The following RYR3 variants were observed in gnomAD, a reference collection of about 807,000 sequenced individuals.
RYR3 encodes ryanodine receptor 3, also known as brain ryanodine receptor-calcium release channel.
A neutral mutation model predicts 584.3 loss-of-function variants in RYR3; 207 were observed. The observed-to-expected ratio is 0.35, with a 90% CI of 0.32 to 0.40. The LOEUF (loss-of-function observed/expected upper bound fraction) is 0.40, where lower values mean the gene tolerates loss of function less well. Among genes scored for constraint, RYR3 ranks in the 10% least tolerant of loss-of-function variants. The pLI, the probability that RYR3 is intolerant of heterozygous loss-of-function variation, is 1.00. For synonymous variants in RYR3, 2,416 were observed against 2,248.5 expected (o/e 1.07, Z -2.11); for missense variants, 5,616 against 6,089.2 (o/e 0.92, Z 2.59).
intron 43 of RYR3, among the ~76,000 whole-genome samples, chr15:33,711,280 G>C (rs776633853): frequency 1.1e-4 from 12 of 110,108 alleles, no homozygotes; most frequent in South Asian, 8.4e-4. Context: ...GTCTCGTTCT[G>C]TCGCCCAGGC....
chr15:33,731,367 TG>T, intron 47 of RYR3, 106 bp from the exon 48 acceptor site: 1 of 723,916 alleles, frequency 1.4e-6, no homozygotes, highest in Non-Finnish European at 2.4e-6. Context: ...CTATGCAACG[TG>T]GACATATATA....
intron 20 of RYR3, among the ~76,000 whole-genome samples, chr15:33,625,959 A>G (rs2060962653): frequency 6.6e-6 from 1 of 152,168 alleles, no homozygotes; most frequent in Non-Finnish European, 1.5e-5. Context: ...TAATCCTTAT[A>G]CCACTGTGGC....
At chr15:33,498,165 A>G (rs898230544) in intron 2 of RYR3, among the ~76,000 whole-genome samples, 1 of 152,198 alleles carries the variant, frequency 6.6e-6, no homozygotes. Flanking sequence ...TGCAATAAGC[A>G]TGGGAGTGCA....
chr15:33,448,230 A>T (rs1036120618), intron 1 of RYR3, among the ~76,000 whole-genome samples: 1 of 152,206 alleles, frequency 6.6e-6, no homozygotes. Flanking sequence ...ACGTCTGGCC[A>T]GCTGCTGGCC....
chr15:33,665,726 G>T (rs1250209731), intron 36 of RYR3, among the ~76,000 whole-genome samples: 3 of 152,224 alleles, frequency 2.0e-5, no homozygotes, highest in African/African-American at 7.2e-5. Context: ...AAGCCTTCAA[G>T]AGTAGTTCCT....
At chr15:33,450,566 C>T (rs1001770633) in intron 1 of RYR3, among the ~76,000 whole-genome samples, 12 of 151,770 alleles carry the variant, frequency 7.9e-5, no homozygotes, top group Admixed American at 7.2e-4. Context: ...GCTCCTTGAG[C>T]TCCTTGCACC....
At chr15:33,420,980 G>T (rs558623185) in intron 1 of RYR3, among the ~76,000 whole-genome samples, 2 of 152,140 alleles carry the variant, frequency 1.3e-5, no homozygotes, top group East Asian at 1.9e-4. Context: ...TTTCTTGGGG[G>T]TCTTGCTTCT....
At chr15:33,719,872 T>C (rs2067779148) in intron 43 of RYR3, among the ~76,000 whole-genome samples, 2 of 152,306 alleles carry the variant, frequency 1.3e-5, no homozygotes, top group South Asian at 4.1e-4. Flanking sequence ...CTCCTTGGTT[T>C]CTCTTTTTCC....
intron 1 of RYR3, among the ~76,000 whole-genome samples, chr15:33,454,679 G>A (rs2047401505): frequency 2.0e-5 from 3 of 152,174 alleles, no homozygotes. Context: ...ATTAGATGAT[G>A]TATATGATGC....
intron 1 of RYR3, among the ~76,000 whole-genome samples, chr15:33,406,998 G>A (rs189525559): frequency 6.6e-6 from 1 of 152,300 alleles, no homozygotes; most frequent in African/African-American, 2.4e-5. Context: ...TCAAGGCATT[G>A]GCAGGAATGG....
intron 38 of RYR3, among the ~76,000 whole-genome samples, chr15:33,687,059 C>G (rs1056705383): frequency 1.3e-5 from 2 of 152,216 alleles, no homozygotes; most frequent in African/African-American, 4.8e-5. Flanking sequence ...GTTAGAAGTT[C>G]TGGCCAGGCC....
intron 42 of RYR3, among the ~76,000 whole-genome samples, chr15:33,703,940 A>C (rs954546630): frequency 1.3e-5 from 2 of 152,180 alleles, no homozygotes; most frequent in African/African-American, 4.8e-5. Context: ...CAATACCATA[A>C]TAATACCATA....
chr15:33,781,862 G>GT (rs1418321746), intron 65 of RYR3, among the ~76,000 whole-genome samples: 2 of 151,640 alleles, frequency 1.3e-5, no homozygotes, highest in African/African-American at 2.4e-5. Flanking sequence ...AAAAAAAAGG[G>GT]GGGGGGGATT....
At chr15:33,608,012 G>C (rs1410125309) in intron 18 of RYR3, among the ~76,000 whole-genome samples, 1 of 152,214 alleles carries the variant, frequency 6.6e-6, no homozygotes, top group Non-Finnish European at 1.5e-5. Context: ...GCCAGAACTA[G>C]AGCCCAGGCA....
intron 19 of RYR3, among the ~76,000 whole-genome samples, chr15:33,614,060 A>T (rs1247067765): frequency 6.6e-6 from 1 of 152,214 alleles, no homozygotes; most frequent in Non-Finnish European, 1.5e-5. Flanking sequence ...ACAGTTCAGA[A>T]TTCCTTATCA....
At chr15:33,452,038 T>C (rs554425520) in intron 1 of RYR3, among the ~76,000 whole-genome samples, 1 of 152,358 alleles carries the variant, frequency 6.6e-6, no homozygotes, top group African/African-American at 2.4e-5. Context: ...AGGGCCTCCA[T>C]GCTCCAACAA....
chr15:33,533,595 T>A (rs1245700728), intron 5 of RYR3, among the ~76,000 whole-genome samples: 1 of 152,174 alleles, frequency 6.6e-6, no homozygotes, highest in Admixed American at 6.5e-5. Context: ...AACATAATGT[T>A]TTTACCACAG....
intron 36 of RYR3, among the ~76,000 whole-genome samples, chr15:33,664,718 T>A (rs1365522708): frequency 6.6e-6 from 1 of 151,332 alleles, no homozygotes; most frequent in Non-Finnish European, 1.5e-5. Flanking sequence ...TTTGGATTGC[T>A]TAGCATGACG....
intron 2 of RYR3, among the ~76,000 whole-genome samples, chr15:33,501,349 G>A (rs2051970025): frequency 6.6e-6 from 1 of 152,156 alleles, no homozygotes; most frequent in South Asian, 2.1e-4. Flanking sequence ...AGCTGACTTA[G>A]AATTACATGA....
Sources: allele counts gnomAD v4.1 joint callset (sites outside exome capture counted in the v4.1 genomes callset), GRCh38; gene constraint gnomAD v4.1.1; transcripts MANE v1.5; gene names NCBI Gene and HGNC (gene_info 2026-07-23, HGNC 2026-07-21).